The following FLI1 variants were observed in gnomAD, a reference collection of about 807,000 sequenced individuals.
The protein encoded by FLI1 is Fli-1 proto-oncogene, ETS transcription factor, also known as Friend leukemia integration 1 transcription factor.
Under a neutral mutation model 53.1 loss-of-function variants are expected in FLI1, and 13 were observed. The ratio of observed to expected loss-of-function variants is 0.24; its 90% CI spans 0.16 to 0.39. The LOEUF (loss-of-function observed/expected upper bound fraction) is 0.39. FLI1 is among the 10% of genes least tolerant of loss of function. FLI1 has a pLI of 1.00. For synonymous variants in FLI1, 244 were observed against 236.7 expected, an observed-to-expected ratio of 1.03 and a Z score of -0.28; for missense variants, 424 against 600.5, an observed-to-expected ratio of 0.71 and a Z score of 3.07.
At chr11:128,802,477 T>C (rs945047464) in intron 5 of FLI1, among the ~76,000 whole-genome samples, 4 of 152,206 alleles carry the variant, frequency 2.6e-5, no homozygotes, top group Non-Finnish European at 4.4e-5. Flanking sequence ...GGGATGGACG[T>C]TGGATGAAGA....
chr11:128,787,496 C>T (rs1337488168), intron 5 of FLI1, among the ~76,000 whole-genome samples: 2 of 152,150 alleles, frequency 1.3e-5, no homozygotes, highest in Admixed American at 6.5e-5. Flanking sequence ...CTTTAATACT[C>T]TCAATTTACC....
At chr11:128,748,904 G>A (rs564238754) in intron 1 of FLI1, among the ~76,000 whole-genome samples, 1 of 152,308 alleles carries the variant, frequency 6.6e-6, no homozygotes, top group South Asian at 2.1e-4. Context: ...GGTGATGATA[G>A]TAAAAGTTCC....
intron 2 of FLI1, among the ~76,000 whole-genome samples, chr11:128,761,406 C>G (rs578259133): frequency 6.6e-6 from 1 of 152,330 alleles, no homozygotes; most frequent in African/African-American, 2.4e-5. Flanking sequence ...GACACGTGGG[C>G]AGGGCCTGAA....
chr11:128,781,983 C>G lies in FLI1; in HGVS notation c.615C>G (p.Thr205=), dbSNP rs777583857. 1 of 1,613,776 alleles carries G rather than the reference C, an allele frequency of 6.2e-7. No individual in the cohort carries two copies. The highest frequency in any genetic ancestry group is 8.5e-7 in the Non-Finnish European group (1 of 1,179,828). Residue 205 remains threonine, a synonymous_variant, in exon 5 of 9, where the codon ACC becomes ACG. Transcript: ENST00000527786. ...GTTCACTGCTGGCCTATAATACAAC[C>G]TCCCACACCGACCAATCCTCACGAT... ...RESSLLAYNT[T]SHTDQSSRLS...
chr11:128,746,926 A>T lies in FLI1; in HGVS notation c.19-11189A>T, dbSNP rs1940417738. Reference sequence around the variant, plus strand: ...TGGCCAGTGCCTTTTGTTAGAACAGATTTAAAGCAGCTGTCCATGAAGGGA... The same window carrying T: ...TGGCCAGTGCCTTTTGTTAGAACAGTTTTAAAGCAGCTGTCCATGAAGGGA... On this transcript the variant is annotated intron_variant, in intron 1 of 8. Transcript: ENST00000527786. Among the ~76,000 whole-genome samples, 3 of 152,194 alleles carry T rather than the reference A, an allele frequency of 2.0e-5. No individual in the cohort carries two copies. In the South Asian group the frequency reaches 6.2e-4, roughly 32 times the overall value.
At chr11:128,801,144 G>C (rs1397411530) in intron 5 of FLI1, among the ~76,000 whole-genome samples, 3 of 152,182 alleles carry the variant, frequency 2.0e-5, no homozygotes, top group East Asian at 1.9e-4. Context: ...CAGACTCCAG[G>C]CACCACATTC....
intron 2 of FLI1, among the ~76,000 whole-genome samples, chr11:128,767,491 C>T (rs1591795243): frequency 6.6e-6 from 1 of 152,314 alleles, no homozygotes; most frequent in East Asian, 1.9e-4. Flanking sequence ...AGATAGTAAC[C>T]CTTGCTGTGC....
chr11:128,793,555 C>T (rs1942342003), intron 5 of FLI1, among the ~76,000 whole-genome samples: 1 of 152,256 alleles, frequency 6.6e-6, no homozygotes, highest in Non-Finnish European at 1.5e-5. Flanking sequence ...CCTGCCACTA[C>T]AGAGTTCGCC....
intron 5 of FLI1, among the ~76,000 whole-genome samples, chr11:128,784,857 C>A (rs1942036901): frequency 6.6e-6 from 1 of 150,698 alleles, no homozygotes; most frequent in Non-Finnish European, 1.5e-5. Flanking sequence ...AGCACCAGAG[C>A]TGTGTGTGTG....
At chr11:128,795,741 A>C (rs1174162642) in intron 5 of FLI1, among the ~76,000 whole-genome samples, 1 of 151,998 alleles carries the variant, frequency 6.6e-6, no homozygotes, top group Non-Finnish European at 1.5e-5. Flanking sequence ...TAGTAGAGAC[A>C]TGGTTTCACC....
chr11:128,723,483 C>T (rs533839563), intron 1 of FLI1, among the ~76,000 whole-genome samples: 5 of 152,100 alleles, frequency 3.3e-5, no homozygotes, highest in Admixed American at 6.5e-5. Flanking sequence ...AATTTGTGCA[C>T]AAGGATGGAG....
intron 1 of FLI1, among the ~76,000 whole-genome samples, chr11:128,732,252 C>A (rs1206355674): frequency 6.6e-6 from 1 of 152,174 alleles, no homozygotes; most frequent in African/African-American, 2.4e-5. Context: ...AGCTATCTTC[C>A]CCCCTTCTCA....
intron 1 of FLI1, among the ~76,000 whole-genome samples, chr11:128,747,610 G>A (rs998851766): frequency 3.3e-5 from 5 of 152,220 alleles, no homozygotes; most frequent in Non-Finnish European, 7.3e-5. Context: ...ATCTCAGTCT[G>A]GCTTTGCTTT....
rs570570601 is a variant in FLI1, at chr11:128,811,084, A to G, written c.*96A>G. On this transcript the variant is annotated 3_prime_UTR_variant, in exon 9 of 9. Coordinates refer to ENST00000527786, the MANE Select transcript of FLI1 (RefSeq NM_002017.5). ...GGACATATGTGGCCTTGAAGGGAAG[A>G]CAAAACTGGATGTTCTTTCTTGTTG... is the stretch of plus-strand genomic sequence containing the variant. 44 of 1,128,064 alleles carry G rather than the reference A, an allele frequency of 3.9e-5. No individual in the cohort carries two copies. In the African/African-American group the frequency reaches 5.8e-4, roughly 15 times the overall value. 69.9% of individuals were successfully genotyped at this position (1,128,064 alleles called of 1,614,324 possible).
chr11:128,710,451 T>G (rs1478210868), intron 1 of FLI1, among the ~76,000 whole-genome samples: 1 of 152,134 alleles, frequency 6.6e-6, no homozygotes, highest in African/African-American at 2.4e-5. Flanking sequence ...TAGTCTGTAG[T>G]TCCTAGGGAC....
chr11:128,811,101 T>A lies in FLI1; in HGVS notation c.*113T>A. ...AAGGGAAGACAAAACTGGATGTTCT[T>A]TCTTGTTGGATAGAACCTTTGTATT... On this transcript the variant is annotated 3_prime_UTR_variant, in exon 9 of 9. Transcript: ENST00000527786. 9.9e-7 allele frequency: 1 copy of A among 1,010,726 alleles called. No homozygotes were observed. Among genetic ancestry groups the A allele is most frequent in the East Asian group, 2.4e-5 (1 of 41,764 alleles). The allele number at this position is 1,010,726 out of a possible 1,614,324, so 62.6% of individuals were successfully genotyped here. A position where few individuals can be genotyped will look rare whatever the true frequency, so the allele number is the denominator to read the frequency against.
At chr11:128,692,922 C>G (rs1937813733), upstream of FLI1, 1 of 152,348 alleles carries the variant, frequency 6.6e-6, no homozygotes, top group Non-Finnish European at 1.5e-5. Flanking sequence ...CGGGTTGGGC[C>G]GGGGAACGCC....
chr11:128,796,372 GAGA>G, intron 5 of FLI1, among the ~76,000 whole-genome samples: 1 of 152,184 alleles, frequency 6.6e-6, no homozygotes, highest in Non-Finnish European at 1.5e-5. Flanking sequence ...GAGGAGGTTA[GAGA>G]GAGGCAGTTT....
At chr11:128,750,637 CTGTT>C (rs1940604694) in intron 1 of FLI1, among the ~76,000 whole-genome samples, 1 of 152,238 alleles carries the variant, frequency 6.6e-6, no homozygotes, top group African/African-American at 2.4e-5. Flanking sequence ...CTTAGCTAGA[CTGTT>C]TGAAGATGCA....
Sources: gnomAD v4.1 joint callset for allele counts (sites outside exome capture counted in the v4.1 genomes callset) on GRCh38, gnomAD v4.1.1 for gene constraint, MANE v1.5 for transcripts, NCBI Gene and HGNC (gene_info 2026-07-23, HGNC 2026-07-21) for gene names.